Variants in FAM222B observed in about 807,000 individuals in gnomAD.
FAM222B encodes family with sequence similarity 222 member B.
Under a neutral mutation model 38.0 loss-of-function variants are expected in FAM222B, and 12 were observed. The ratio of observed to expected loss-of-function variants is 0.32; its 90% CI spans 0.20 to 0.51. FAM222B has a LOEUF of 0.51. Ranked by LOEUF, FAM222B falls within the 20% of genes least tolerant of loss-of-function variation. FAM222B has a pLI of 0.97. For missense variants in FAM222B, 716 were observed against 754.2 expected (o/e 0.95, Z 0.59); for synonymous variants, 329 against 317.2 (o/e 1.04, Z -0.40).
At chr17:28,841,863 G>C (rs1261275996) in intron 1 of FAM222B, among the ~76,000 whole-genome samples, 2 of 152,154 alleles carry the variant, frequency 1.3e-5, no homozygotes, top group Admixed American at 6.5e-5. Context: ...TCACATTACA[G>C]AACTGGTAGT....
In FAM222B at chr17:28,759,392, G is replaced by A. The variant is rs1365219411; in HGVS notation, c.567C>T (p.Ser189=). The A allele has an allele frequency of 5.0e-6, 8 of 1,603,874 alleles. No homozygotes were observed. Among genetic ancestry groups the A allele is most frequent in the Non-Finnish European group, 6.0e-6 (7 of 1,176,344 alleles). ...GGCCCAGGCCCTGAGGCTGCTGGAG[G>A]CTCTGAGGGTGGGACAGTGCCTGGG... ...PPPQALSHPQ[S]LQQPQGLGHP... Residue 189 remains serine (S), a synonymous_variant, in exon 3 of 3, where the codon AGC becomes AGT. Transcript: ENST00000581407. The surrounding 1 kb of genome is among the most constrained non-coding windows in gnomAD (Gnocchi z 4.8).
intron 2 of FAM222B, among the ~76,000 whole-genome samples, chr17:28,764,375 G>A (rs2035232153): frequency 6.6e-6 from 1 of 152,048 alleles, no homozygotes; most frequent in Non-Finnish European, 1.5e-5. Context: ...TTGGGAGGCG[G>A]AGGTTGCAGT....
chr17:28,811,952 GCTC>G (rs1192137138), intron 1 of FAM222B, among the ~76,000 whole-genome samples: 1 of 151,946 alleles, frequency 6.6e-6, no homozygotes, highest in Non-Finnish European at 1.5e-5. Context: ...ACAAAAAAGG[GCTC>G]CTCTTTTCTT....
At chr17:28,810,251 AAG>A (rs2037690445) in intron 1 of FAM222B, among the ~76,000 whole-genome samples, 1 of 152,044 alleles carries the variant, frequency 6.6e-6, no homozygotes, top group African/African-American at 2.4e-5. Context: ...CAGCCTCCCA[AAG>A]TGCTGGGATT....
chr17:28,799,238 G>A (rs2037097688), intron 1 of FAM222B, among the ~76,000 whole-genome samples: 1 of 150,922 alleles, frequency 6.6e-6, no homozygotes, highest in Admixed American at 6.6e-5. Context: ...CTCCCAAAGT[G>A]CTGGGATTAC....
intron 1 of FAM222B, among the ~76,000 whole-genome samples, chr17:28,795,122 T>C (rs141591495): frequency 3.3e-5 from 5 of 151,714 alleles, no homozygotes; most frequent in South Asian, 2.1e-4. Flanking sequence ...AAAATTCCTA[T>C]ACAGCAAAAG....
chr17:28,821,701 C>T (rs2038224244), intron 1 of FAM222B, among the ~76,000 whole-genome samples: 2 of 152,124 alleles, frequency 1.3e-5, no homozygotes, highest in African/African-American at 4.8e-5. Context: ...GTGGCTCATG[C>T]CTGTAATACC....
intron 1 of FAM222B, among the ~76,000 whole-genome samples, chr17:28,794,392 G>T (rs1030556820): frequency 6.6e-6 from 1 of 151,656 alleles, no homozygotes; most frequent in Non-Finnish European, 1.5e-5. Context: ...GCTAATTTTT[G>T]TATTTTTAGT....
rs1421520232 is a variant in FAM222B at position 28,766,823 on chromosome 17, T to C, written c.-40-116A>G. 4 of 596,720 alleles carry C rather than the reference T, an allele frequency of 6.7e-6. No homozygotes were observed. The African/African-American group carries it at 7.4e-5, about 11-fold the overall frequency. The allele number at this position is 596,720 out of a possible 1,614,324, so 37.0% of individuals were successfully genotyped here. ...AGTTTAGACACATAAAGCAATTTAA[T>C]TAGCAGTGTGTTGGTTGAAAGTATA... On this transcript the variant is annotated intron_variant, in intron 1 of 2. Coordinates refer to ENST00000581407, the MANE Select transcript of FAM222B (RefSeq NM_001077498.3).
intron 2 of FAM222B, among the ~76,000 whole-genome samples, chr17:28,760,995 A>G (rs1843390667): frequency 1.3e-5 from 2 of 152,232 alleles, no homozygotes; most frequent in African/African-American, 4.8e-5. Flanking sequence ...AATTGAGAAG[A>G]AAGGATTCAG....
upstream of FAM222B, among the ~76,000 whole-genome samples, chr17:28,847,548 C>T (rs1383240554): frequency 6.7e-6 from 1 of 149,994 alleles, no homozygotes; most frequent in Non-Finnish European, 1.5e-5. Flanking sequence ...GAGCCGAGAT[C>T]GTGCCACTGC....
chr17:28,794,675 T>C (rs1007798346), intron 1 of FAM222B, among the ~76,000 whole-genome samples: 6 of 152,208 alleles, frequency 3.9e-5, no homozygotes, highest in Admixed American at 1.3e-4. Flanking sequence ...ACAGGAAAGT[T>C]TGAAGAAAGC....
chr17:28,847,877 G>A (rs1567914677), intron 1 of FAM222B, among the ~76,000 whole-genome samples: 1 of 150,818 alleles, frequency 6.6e-6, no homozygotes. Flanking sequence ...TAGCGCCACT[G>A]TACTCCGGCC....
intron 1 of FAM222B, among the ~76,000 whole-genome samples, chr17:28,793,509 A>G (rs2036796284): frequency 6.6e-6 from 1 of 152,102 alleles, no homozygotes; most frequent in African/African-American, 2.4e-5. Context: ...TAGCTATTCT[A>G]TAGCAGAATG....
Position 28,756,036 on chromosome 17 carries a change from AAACCACCACAGGTGAGGTG to A in FAM222B, c.*2215_*2233del, listed in dbSNP as rs2151745130. On this transcript the variant is annotated 3_prime_UTR_variant, in exon 3 of 3. Coordinates refer to ENST00000581407, the MANE Select transcript of FAM222B (RefSeq NM_001077498.3). ...ATCTTAAAAACCCCATCACACCCAT[AAACCACCACAGGTGAGGTG>A]AGAGAGATGGAGAATGAATGCTACA... 1 of 152,734 alleles carries A rather than the reference AAACCACCACAGGTGAGGTG, an allele frequency of 6.5e-6. No homozygotes were observed. The highest frequency in any genetic ancestry group is 2.4e-5 in the African/African-American group (1 of 41,590). The allele number at this position is 152,734 out of a possible 1,614,324, so 9.5% of individuals were successfully genotyped here.
At chr17:28,794,560 CACA>C (rs1407715147) in intron 1 of FAM222B, among the ~76,000 whole-genome samples, 1 of 151,916 alleles carries the variant, frequency 6.6e-6, no homozygotes, top group Non-Finnish European at 1.5e-5. Flanking sequence ...TGCTTATACC[CACA>C]ACATTTTAAG....
rs548895003 is a variant in FAM222B, at chr17:28,786,943, C to T, written c.-40-20236G>A. Among the ~76,000 whole-genome samples the T allele has an allele frequency of 3.7e-3, 503 of 137,330 alleles. 3 individuals are homozygous for T. Among genetic ancestry groups the T allele is most frequent in the African/African-American group, 0.014 (484 of 35,300 alleles). 90.1% of individuals were successfully genotyped at this position (137,330 alleles called of 152,430 possible). ...TTTTTGAGACAGAGTCTCGCTCTGT[C>T]GCCCAGCCTGGAGTGCAGTGGCGCG... On this transcript the variant is annotated intron_variant, in intron 1 of 2. Transcript: ENST00000581407.
At chr17:28,787,682 A>G (rs949110681) in intron 1 of FAM222B, among the ~76,000 whole-genome samples, 15 of 152,226 alleles carry the variant, frequency 9.9e-5, no homozygotes, top group Non-Finnish European at 2.9e-5. Context: ...ATCTACAGGA[A>G]GGAAAAACAG....
At chr17:28,787,053 T>C (rs779491554) in intron 1 of FAM222B, among the ~76,000 whole-genome samples, 1 of 151,942 alleles carries the variant, frequency 6.6e-6, no homozygotes, top group Non-Finnish European at 1.5e-5. Context: ...GCCTCCTGAG[T>C]AGTTGAGACT....
Sources: allele counts gnomAD v4.1 joint callset (sites outside exome capture counted in the v4.1 genomes callset), GRCh38; gene constraint gnomAD v4.1.1; non-coding constraint Gnocchi (gnomAD v3.1); transcripts MANE v1.5; gene names NCBI Gene and HGNC (gene_info 2026-07-23, HGNC 2026-07-21).